The following LRRC37A2 variants were observed in gnomAD, a reference collection of about 807,000 sequenced individuals.
LRRC37A2 encodes leucine-rich repeat-containing protein 37A2.
Under a neutral mutation model 68.8 loss-of-function variants are expected in LRRC37A2, and 9 were observed. The ratio of observed to expected loss-of-function variants is 0.13; its 90% confidence interval spans 0.08 to 0.23. The LOEUF (loss-of-function observed/expected upper bound fraction) is 0.23. LRRC37A2 is among the 10% of genes least tolerant of loss of function. The pLI, the probability that LRRC37A2 is intolerant of heterozygous loss-of-function variation, is 1.00. For missense variants in LRRC37A2, 168 were observed against 950.4 expected, an observed-to-expected ratio of 0.18 and a Z score of 10.82; for synonymous variants, 63 against 367.6, an observed-to-expected ratio of 0.17 and a Z score of 9.48.
At chr17:46,869,885 G>C in the LRRC37A2 span, among the ~76,000 whole-genome samples, 1 of 152,054 alleles carries the variant, frequency 6.6e-6, no homozygotes, top group Non-Finnish European at 1.5e-5. Flanking sequence ...TGTAGTCCCA[G>C]CTACTCGGGA....
the LRRC37A2 span, chr17:46,923,540 C>T: frequency 9.1e-6 from 12 of 1,323,714 alleles, no homozygotes; most frequent in Non-Finnish European, 1.2e-5. Flanking sequence ...CTTGTCAACT[C>T]GGTGCTCCTG....
At chr17:46,783,679 C>G in the LRRC37A2 span, among the ~76,000 whole-genome samples, 2 of 152,168 alleles carry the variant, frequency 1.3e-5, no homozygotes, top group African/African-American at 4.8e-5. Context: ...CAAGTGTGTC[C>G]TCACTGCCTC....
chr17:46,715,725 G>C, the LRRC37A2 span, among the ~76,000 whole-genome samples: 1 of 152,104 alleles, frequency 6.6e-6, no homozygotes, highest in African/African-American at 2.4e-5. Context: ...GAAGGGGGAA[G>C]GTAATATGTG....
chr17:46,770,087 G>C, the LRRC37A2 span: 2 of 1,502,728 alleles, frequency 1.3e-6, no homozygotes, highest in Non-Finnish European at 1.8e-6. Context: ...TCAGGACCCG[G>C]CCTGGGAGCG....
At chr17:46,888,402 C>G in the LRRC37A2 span, among the ~76,000 whole-genome samples, 1 of 152,136 alleles carries the variant, frequency 6.6e-6, no homozygotes, top group African/African-American at 2.4e-5. Context: ...ATTATTATTC[C>G]TCAATTATGG....
At chr17:46,776,834 A>G in the LRRC37A2 span, among the ~76,000 whole-genome samples, 1 of 152,042 alleles carries the variant, frequency 6.6e-6, no homozygotes, top group Non-Finnish European at 1.5e-5. Context: ...CGGAGAGCTG[A>G]GGCGGGAGTG....
the LRRC37A2 span, among the ~76,000 whole-genome samples, chr17:46,985,962 CT>C: frequency 1.3e-5 from 2 of 152,192 alleles, no homozygotes; most frequent in Non-Finnish European, 2.9e-5. Flanking sequence ...GTACCCTAAT[CT>C]GTAAAATGAG....
the LRRC37A2 span, among the ~76,000 whole-genome samples, chr17:46,831,768 G>C: frequency 6.6e-6 from 1 of 152,258 alleles, no homozygotes; most frequent in Non-Finnish European, 1.5e-5. Flanking sequence ...CTGACTGGCT[G>C]TGTGTCCCCG....
At chr17:46,392,509 TTCTCTCTCTCTCTC>T in the LRRC37A2 span, among the ~76,000 whole-genome samples, 1 of 42,292 alleles carries the variant, frequency 2.4e-5, no homozygotes, top group Non-Finnish European at 4.9e-5. Flanking sequence ...TTTTCTCTCT[TTCTCTCTCTCTCTC>T]TCTCTCTCTC....
At chr17:47,045,128 GAAT>G in the LRRC37A2 span, among the ~76,000 whole-genome samples, 73 of 126,682 alleles carry the variant, frequency 5.8e-4, no homozygotes, top group Middle Eastern at 3.7e-3. Flanking sequence ...GGACCCAAAG[GAAT>G]AATACTAGTC....
chr17:47,024,535 A>G, the LRRC37A2 span: 69 of 706,730 alleles, frequency 9.8e-5, no homozygotes, highest in Middle Eastern at 1.2e-3. Context: ...GGAAAATGTA[A>G]GAAAAGGTTT....
the LRRC37A2 span, chr17:46,923,430 G>T: frequency 2.1e-6 from 3 of 1,433,922 alleles, no homozygotes; most frequent in South Asian, 3.0e-5. Flanking sequence ...CTGGAGACGT[G>T]GGGCAGATGA....
the LRRC37A2 span, chr17:46,818,509 G>T: frequency 6.2e-7 from 1 of 1,603,332 alleles, no homozygotes; most frequent in South Asian, 1.1e-5. Flanking sequence ...GACAAGAGGC[G>T]AGTCTTACCA....
chr17:46,606,054 C>T, the LRRC37A2 span, among the ~76,000 whole-genome samples: 1 of 94,246 alleles, frequency 1.1e-5, no homozygotes, highest in Non-Finnish European at 1.8e-5. Flanking sequence ...TGGCGCATGC[C>T]TGTAATCCCA....
At chr17:46,975,996 G>A in the LRRC37A2 span, among the ~76,000 whole-genome samples, 7 of 151,920 alleles carry the variant, frequency 4.6e-5, no homozygotes, top group African/African-American at 9.7e-5. Flanking sequence ...GCGTAATCTC[G>A]GCTCACTGCA....
chr17:46,820,226 G>C, the LRRC37A2 span, among the ~76,000 whole-genome samples: 1 of 152,222 alleles, frequency 6.6e-6, no homozygotes, highest in Non-Finnish European at 1.5e-5. Context: ...CAGGGAGCGC[G>C]GGGAAATGGC....
chr17:46,792,690 C>T, the LRRC37A2 span, among the ~76,000 whole-genome samples: 1 of 152,058 alleles, frequency 6.6e-6, no homozygotes, highest in African/African-American at 2.4e-5. Flanking sequence ...ACCAGGCTAG[C>T]CTCGAACTAC....
chr17:46,873,953 C>A, the LRRC37A2 span, among the ~76,000 whole-genome samples: 1 of 149,416 alleles, frequency 6.7e-6, no homozygotes, highest in Non-Finnish European at 1.5e-5. Flanking sequence ...TGTGTCACTG[C>A]ACTCCAGCCT....
chr17:46,892,444 A>G, the LRRC37A2 span, among the ~76,000 whole-genome samples: 1 of 152,078 alleles, frequency 6.6e-6, no homozygotes, highest in African/African-American at 2.4e-5. Context: ...ACTGACAATG[A>G]CTTTCCTGCC....
Sources: gnomAD v4.1 joint callset for allele counts (sites outside exome capture counted in the v4.1 genomes callset) on GRCh38, gnomAD v4.1.1 for gene constraint, MANE v1.5 for transcripts, NCBI Gene and HGNC (gene_info 2026-07-23, HGNC 2026-07-21) for gene names.